RASGRF2: variants seen among roughly 807,000 people sequenced by gnomAD.
RASGRF2 encodes ras-specific guanine nucleotide-releasing factor 2.
RASGRF2 carries 76 observed loss-of-function variants against 151.0 expected under a neutral mutation model. The ratio of observed to expected loss-of-function variants is 0.50; its 90% CI spans 0.42 to 0.61. The LOEUF (loss-of-function observed/expected upper bound fraction) is 0.61. Ranked by LOEUF, RASGRF2 falls within the 20% of genes least tolerant of loss-of-function variation. The pLI, the probability that RASGRF2 is intolerant of heterozygous loss-of-function variation, is 0.00. For missense variants in RASGRF2, 1,148 were observed against 1,564.6 expected, an observed-to-expected ratio of 0.73 and a Z score of 4.49; for synonymous variants, 504 against 566.5, an observed-to-expected ratio of 0.89 and a Z score of 1.57.
intron 1 of RASGRF2, among the ~76,000 whole-genome samples, chr5:80,981,645 G>A (rs577441470): frequency 1.4e-4 from 21 of 152,068 alleles, no homozygotes; most frequent in Middle Eastern, 3.4e-3. Context: ...GGCTCACTGC[G>A]ACCTCTGCCT....
At position 81,088,752 on chromosome 5, in the gene RASGRF2, C is replaced by A. The variant is rs12656660; in HGVS notation, c.1390+1799C>A. Among the ~76,000 whole-genome samples, 7 of 152,072 alleles carry A rather than the reference C, an allele frequency of 4.6e-5. No individual in the cohort carries two copies. The East Asian group carries it at 1.2e-3, about 25-fold the overall frequency. Reference sequence around the variant, plus strand: ...ACAAACATACTATATTGCTAAAAAACGTAAACTTTTTTAGGTCTGAGCTTG... The same window carrying A: ...ACAAACATACTATATTGCTAAAAAAAGTAAACTTTTTTAGGTCTGAGCTTG... On this transcript the variant is annotated intron_variant, in intron 9 of 26. Transcript: ENST00000265080.
intron 18 of RASGRF2, among the ~76,000 whole-genome samples, chr5:81,198,753 T>C (rs566167776): frequency 4.5e-4 from 68 of 152,340 alleles, no homozygotes; most frequent in African/African-American, 1.6e-3. Flanking sequence ...ATTTCGTTTT[T>C]TAAGGCTGCA....
At chr5:81,095,810 C>T (rs1561201488) in intron 12 of RASGRF2, among the ~76,000 whole-genome samples, 1 of 152,076 alleles carries the variant, frequency 6.6e-6, no homozygotes, top group Non-Finnish European at 1.5e-5. Context: ...TGAATTCTAT[C>T]ATAGTTATTT....
chr5:80,972,173 C>T (rs1361053496), intron 1 of RASGRF2, among the ~76,000 whole-genome samples: 1 of 152,162 alleles, frequency 6.6e-6, no homozygotes, highest in Non-Finnish European at 1.5e-5. Context: ...GGTGTACATA[C>T]ATGTGCATAT....
chr5:81,002,664 T>G (rs1315936824), intron 1 of RASGRF2, among the ~76,000 whole-genome samples: 1 of 152,222 alleles, frequency 6.6e-6, no homozygotes, highest in African/African-American at 2.4e-5. Flanking sequence ...ATTTATTGAA[T>G]ATCAAGACTG....
rs752385052 is a variant in RASGRF2 at position 81,086,963 on chromosome 5, T to C, written c.1390+10T>C. The C allele has an allele frequency of 1.2e-6, 2 of 1,604,942 alleles. No homozygotes were observed. The highest frequency in any genetic ancestry group is 2.2e-5 in the South Asian group (2 of 90,854). On this transcript the variant is annotated intron_variant, in intron 9 of 26. Transcript: ENST00000265080. The stretch of plus-strand genomic sequence containing the variant: ...ACGTTCATCCGCCAAGGTAAGTCCC[T>C]GTGAAATGGACCCGCGACCTGATGC...
At position 81,183,818 on chromosome 5, in the gene RASGRF2, A is replaced by G. The variant is rs986727780; in HGVS notation, c.2793+3537A>G. Among the ~76,000 whole-genome samples, 7 of 152,188 alleles carry G rather than the reference A, an allele frequency of 4.6e-5. No homozygotes were observed. The East Asian group carries it at 1.3e-3, about 29-fold the overall frequency. ...GTTAGTTTCCTCTTCTGAAAATGAGAACAACCATCCCTGCTTTACCTCTCC... is the reference window on the plus strand; with the variant it reads ...GTTAGTTTCCTCTTCTGAAAATGAGGACAACCATCCCTGCTTTACCTCTCC... On this transcript the variant is annotated intron_variant, in intron 18 of 26. Transcript: ENST00000265080.
rs75967864 is a variant in RASGRF2 at position 81,155,266 on chromosome 5, A to G, written c.2687-24909A>G. 2.7e-3 allele frequency among the ~76,000 whole-genome samples: 406 copies of G among 152,294 alleles called. 3 individuals are homozygous for G. The highest frequency in any genetic ancestry group is 9.3e-3 in the African/African-American group (388 of 41,560). ...CCTCAGAAATTATTTTTTTACTAAC[A>G]TCTTTCACAAAAGACACCCTCAGAA... On this transcript the variant is annotated intron_variant, in intron 17 of 26. Coordinates refer to ENST00000265080, the MANE Select transcript of RASGRF2 (RefSeq NM_006909.3).
At position 80,990,218 on chromosome 5, in the gene RASGRF2, G is replaced by GTT. The variant is rs10558206; in HGVS notation, c.288+29205_288+29206dup. Among the ~76,000 whole-genome samples the GTT allele has an allele frequency of 6.9e-3, 948 of 137,950 alleles. 9 individuals carry two copies. Among genetic ancestry groups the GTT allele is most frequent in the African/African-American group, 0.024 (846 of 35,990 alleles). 90.5% of individuals were successfully genotyped at this position (137,950 alleles called of 152,430 possible). Reference sequence around the variant, plus strand: ...CCTCTTACTAATTTGACTGCCAGATGTTTTTTTTTTTTTTATTTTCTTTTT... The same window carrying GTT: ...CCTCTTACTAATTTGACTGCCAGATGTTTTTTTTTTTTTTTTATTTTCTTTTT... On this transcript the variant is annotated intron_variant, in intron 1 of 26. Transcript: ENST00000265080.
intron 15 of RASGRF2, among the ~76,000 whole-genome samples, chr5:81,123,117 A>G (rs1303189569): frequency 6.6e-6 from 1 of 152,184 alleles, no homozygotes; most frequent in East Asian, 1.9e-4. Flanking sequence ...TAGTTAATGT[A>G]AATTTACATA....
At chr5:81,169,161 A>G (rs1754584012) in intron 17 of RASGRF2, among the ~76,000 whole-genome samples, 1 of 152,230 alleles carries the variant, frequency 6.6e-6, no homozygotes, top group Admixed American at 6.5e-5. Context: ...CAAACTCTTG[A>G]TTTCCTCCCT....
At chr5:81,111,093 T>C (rs917236314) in intron 13 of RASGRF2, among the ~76,000 whole-genome samples, 2 of 152,172 alleles carry the variant, frequency 1.3e-5, no homozygotes, top group South Asian at 2.1e-4. Flanking sequence ...AGAAAATAGA[T>C]ATATAATTTC....
intron 2 of RASGRF2, among the ~76,000 whole-genome samples, chr5:81,044,866 AAAG>A (rs1336043127): frequency 1.3e-5 from 2 of 151,912 alleles, no homozygotes; most frequent in African/African-American, 4.8e-5. Flanking sequence ...TTCCTCATTC[AAAG>A]ACGAAAGTAG....
chr5:81,212,691 G>A lies in RASGRF2; in HGVS notation c.3354+128G>A, dbSNP rs1245871584. The A allele has an allele frequency of 3.5e-6, 3 of 848,884 alleles. No homozygotes were observed. The African/African-American group carries it at 5.1e-5, about 15-fold the overall frequency. 52.6% of individuals were successfully genotyped at this position (848,884 alleles called of 1,614,324 possible). On this transcript the variant is annotated intron_variant, in intron 23 of 26. Coordinates refer to ENST00000265080, the MANE Select transcript of RASGRF2 (RefSeq NM_006909.3). ...AGCCGCTCAGTTGCCAAAGAAAGGT[G>A]CCAACATGGGTAATTACAGGGCTCT...
At chr5:81,212,293 A>C in intron 22 of RASGRF2, 73 bp from the exon 23 acceptor site, 1 of 1,103,888 alleles carries the variant, frequency 9.1e-7, no homozygotes, top group Non-Finnish European at 1.3e-6. Flanking sequence ...GTCTGCAGAT[A>C]ATTTACATAT....
At chr5:81,182,936 AC>A (rs1754950538) in intron 18 of RASGRF2, among the ~76,000 whole-genome samples, 1 of 152,162 alleles carries the variant, frequency 6.6e-6, no homozygotes, top group South Asian at 2.1e-4. Context: ...CTGTCAACCA[AC>A]CCTCACCCTT....
At chr5:81,179,050 C>G (rs1043903513) in intron 17 of RASGRF2, among the ~76,000 whole-genome samples, 1 of 152,150 alleles carries the variant, frequency 6.6e-6, no homozygotes, top group Non-Finnish European at 1.5e-5. Flanking sequence ...ACAACTCTTT[C>G]AAGAGGTTTG....
chr5:80,974,403 G>A (rs1748041435), intron 1 of RASGRF2, among the ~76,000 whole-genome samples: 1 of 152,236 alleles, frequency 6.6e-6, no homozygotes, highest in African/African-American at 2.4e-5. Context: ...CACTGAAGCT[G>A]AGTAGCTACA....
chr5:81,202,099 A>G lies in RASGRF2; in HGVS notation c.2906+657A>G, dbSNP rs1755408439. ...ATCCAAGTGGGTAACAAGCTTTCTT[A>G]TAGCTTCTTGAACTGGTGGGTGGAT... On this transcript the variant is annotated intron_variant, in intron 19 of 26. Transcript: ENST00000265080. Among the ~76,000 whole-genome samples, 3 of 152,138 alleles carry G rather than the reference A, an allele frequency of 2.0e-5. No individual in the cohort carries two copies. The South Asian group carries it at 6.2e-4, about 32-fold the overall frequency.
Sources: gnomAD v4.1 joint callset for allele counts (sites outside exome capture counted in the v4.1 genomes callset) on GRCh38, gnomAD v4.1.1 for gene constraint, MANE v1.5 for transcripts, NCBI Gene and HGNC (gene_info 2026-07-23, HGNC 2026-07-21) for gene names.